GRAMD1B: variants seen among roughly 807,000 people sequenced by gnomAD.
The protein encoded by GRAMD1B is protein Aster-B.
A neutral mutation model predicts 99.7 loss-of-function variants in GRAMD1B; 37 were observed. That is an observed-to-expected ratio of 0.37 (90% CI 0.29 to 0.49). GRAMD1B has a LOEUF of 0.49. Ranked by LOEUF, GRAMD1B falls within the 20% of genes least tolerant of loss-of-function variation. GRAMD1B has a pLI of 0.98. For synonymous variants in GRAMD1B, 427 were observed against 387.6 expected (o/e 1.10, Z -1.19); for missense variants, 888 against 1,009.2 (o/e 0.88, Z 1.63).
chr11:123,495,093 C>G (rs919209356), intron 2 of GRAMD1B, among the ~76,000 whole-genome samples: 2 of 147,910 alleles, frequency 1.4e-5, no homozygotes, highest in Non-Finnish European at 3.0e-5. Context: ...TGTTTGAGCA[C>G]ATACCATATG....
chr11:123,614,549 C>G (rs980354002), intron 16 of GRAMD1B, among the ~76,000 whole-genome samples, 196 bp from the exon 17 acceptor site: 7 of 152,150 alleles, frequency 4.6e-5, no homozygotes, highest in Non-Finnish European at 1.0e-4. Flanking sequence ...ATGACCTGAC[C>G]CAACCCATGA....
intron 3 of GRAMD1B, among the ~76,000 whole-genome samples, chr11:123,583,410 C>G (rs371813846): frequency 4.6e-5 from 6 of 130,928 alleles, no homozygotes; most frequent in Admixed American, 1.6e-4. Context: ...GTGTGTGTGT[C>G]TGTGTATATG....
At chr11:123,588,613 G>A (rs1035279101) in intron 4 of GRAMD1B, among the ~76,000 whole-genome samples, 55 of 152,262 alleles carry the variant, frequency 3.6e-4, no homozygotes, top group African/African-American at 9.1e-4. Flanking sequence ...GACTTGCTAC[G>A]TTTGCCTGCC....
intron 17 of GRAMD1B, chr11:123,618,288 C>T (rs946560334): frequency 9.9e-6 from 15 of 1,514,616 alleles, no homozygotes; most frequent in African/African-American, 1.4e-5. Flanking sequence ...CCCTTCCCCA[C>T]ACTTGCCTGT....
intron 2 of GRAMD1B, among the ~76,000 whole-genome samples, chr11:123,505,240 C>T (rs1486744317): frequency 6.6e-6 from 1 of 151,704 alleles, no homozygotes; most frequent in African/African-American, 2.4e-5. Flanking sequence ...CTCTGTTTTC[C>T]GGGCTGGTCC....
chr11:123,552,029 CA>C, intron 2 of GRAMD1B, among the ~76,000 whole-genome samples: 1 of 152,146 alleles, frequency 6.6e-6, no homozygotes, highest in East Asian at 1.9e-4. Context: ...CCCCAGGAAT[CA>C]ACTCCATTTC....
intron 2 of GRAMD1B, among the ~76,000 whole-genome samples, chr11:123,548,325 T>TATATATATATATATATATATATATAC (rs1555067740): frequency 3.5e-5 from 3 of 86,840 alleles, no homozygotes; most frequent in Non-Finnish European, 6.3e-5. Flanking sequence ...TATATATATA[T>TATATATATATATATATATATATATAC]ACACACACAC....
At chr11:123,609,658 C>T in intron 12 of GRAMD1B, 137 bp from the exon 13 acceptor site, 2 of 604,082 alleles carry the variant, frequency 3.3e-6, no homozygotes, top group Non-Finnish European at 6.0e-6. Flanking sequence ...CCCCCCGGCC[C>T]TCGGGCTCCC....
chr11:123,446,377 G>A (rs1262585170), intron 1 of GRAMD1B, among the ~76,000 whole-genome samples: 1 of 151,832 alleles, frequency 6.6e-6, no homozygotes, highest in African/African-American at 2.4e-5. Context: ...TGTTGGCCAG[G>A]CTAATCTCGA....
At chr11:123,467,393 C>CTT (rs1950736205) in intron 1 of GRAMD1B, among the ~76,000 whole-genome samples, 4 of 81,488 alleles carry the variant, frequency 4.9e-5, no homozygotes, top group Non-Finnish European at 9.4e-5. Flanking sequence ...GTTTTCAACA[C>CTT]CTTTTTTTTT....
At chr11:123,576,885 C>T (rs1000978744) in intron 2 of GRAMD1B, among the ~76,000 whole-genome samples, 8 of 152,192 alleles carry the variant, frequency 5.3e-5, no homozygotes, top group East Asian at 1.9e-4. Context: ...AGAAATAATG[C>T]GTATGTGAAG....
intron 4 of GRAMD1B, among the ~76,000 whole-genome samples, chr11:123,584,864 G>A (rs892251629): frequency 2.6e-5 from 4 of 152,146 alleles, no homozygotes; most frequent in Non-Finnish European, 2.9e-5. Context: ...AAGGTGTGGC[G>A]TGGGGCCACT....
chr11:123,565,669 C>G (rs1045826820), intron 2 of GRAMD1B, among the ~76,000 whole-genome samples: 2 of 151,968 alleles, frequency 1.3e-5, no homozygotes, highest in African/African-American at 4.8e-5. Flanking sequence ...AGATCTGAAG[C>G]AGAGGCCTGA....
chr11:123,385,361 G>T (rs1451280768), intron 1 of GRAMD1B, among the ~76,000 whole-genome samples: 2 of 152,110 alleles, frequency 1.3e-5, no homozygotes, highest in Non-Finnish European at 2.9e-5. Context: ...GAGCAGATAT[G>T]ACCATGCCAT....
intron 2 of GRAMD1B, among the ~76,000 whole-genome samples, chr11:123,534,602 C>G (rs762863748): frequency 1.8e-4 from 28 of 152,156 alleles, no homozygotes; most frequent in Non-Finnish European, 3.5e-4. Flanking sequence ...GTGGCTCATG[C>G]TTGTAATCCC....
chr11:123,465,032 G>A (rs1950598880), intron 1 of GRAMD1B, among the ~76,000 whole-genome samples: 1 of 152,154 alleles, frequency 6.6e-6, no homozygotes. Context: ...TAAACAGCTG[G>A]ATATGGGGGA....
intron 2 of GRAMD1B, among the ~76,000 whole-genome samples, chr11:123,482,102 AT>A (rs779027289): frequency 0.013 from 1,874 of 147,322 alleles, 14 homozygotes; most frequent in Non-Finnish European, 0.016. Context: ...TTAATTTTTA[AT>A]TTTTTTTTTT....
At chr11:123,616,196 C>A (rs1024023688) in intron 17 of GRAMD1B, among the ~76,000 whole-genome samples, 4 of 152,104 alleles carry the variant, frequency 2.6e-5, no homozygotes, top group Non-Finnish European at 5.9e-5. Flanking sequence ...GTGGCAGGTG[C>A]CTGTAGTCCC....
rs1392816079 is a variant in GRAMD1B at position 123,480,864 on chromosome 11, G to T, written c.423G>T (p.Arg141Ser). Reference sequence around the variant, plus strand: ...GCAGCCACGATGATGATTCTAGCAGGTTCCTGAGTCCTCGAGCGCGGGAAG... The same window carrying T: ...GCAGCCACGATGATGATTCTAGCAGTTTCCTGAGTCCTCGAGCGCGGGAAG... Reference protein sequence around the residue: ...QQSSHDDDSSRFLSPRAREES... With the variant: ...QQSSHDDDSSSFLSPRAREES... Residue 141 changes from arginine to serine, a missense_variant, in exon 2 of 20, where the codon AGG (arginine) becomes AGT (serine). Physicochemically the swap from Arg to Ser is moderately radical, Grantham distance 110. Around this residue, in one of 5 missense-constraint regions of GRAMD1B, gnomAD observed 233 missense variants for 154.6 expected, o/e 1.51. Transcript: ENST00000635736. 7.5e-6 allele frequency: 3 copies of T among 398,790 alleles called. No individual in the cohort carries two copies. The highest frequency in any genetic ancestry group is 1.3e-5 in the Non-Finnish European group (3 of 226,262). 24.7% of individuals were successfully genotyped at this position (398,790 alleles called of 1,614,324 possible). A position where few individuals can be genotyped will look rare whatever the true frequency, so the allele number is the denominator to read the frequency against.
Sources: gnomAD v4.1 joint callset for allele counts (sites outside exome capture counted in the v4.1 genomes callset) on GRCh38, gnomAD v4.1.1 for gene constraint, gnomAD v4.1.1 regional missense constraint, MANE v1.5 for transcripts, NCBI Gene and HGNC (gene_info 2026-07-23, HGNC 2026-07-21) for gene names.